PRR5L: variants seen among roughly 807,000 people sequenced by gnomAD.
The protein encoded by PRR5L is proline rich 5 like.
PRR5L carries 21 observed loss-of-function variants against 36.4 expected under a neutral mutation model. The ratio of observed to expected loss-of-function variants is 0.58; its 90% CI spans 0.41 to 0.83. PRR5L has a LOEUF of 0.83. Ranked by LOEUF, PRR5L falls within the 40% of genes least tolerant of loss-of-function variation. PRR5L has a pLI of 0.00. For missense variants in PRR5L, 381 were observed against 473.3 expected (o/e 0.80, Z 1.81); for synonymous variants, 188 against 197.0 (o/e 0.95, Z 0.38).
intron 1 of PRR5L, among the ~76,000 whole-genome samples, chr11:36,323,812 G>A (rs115141799): frequency 6.6e-6 from 1 of 152,258 alleles, no homozygotes; most frequent in African/African-American, 2.4e-5. Flanking sequence ...TTCAGTTTAG[G>A]GAGTTTGACA....
chr11:36,442,188 T>C (rs1181839970), intron 6 of PRR5L, among the ~76,000 whole-genome samples: 2 of 152,218 alleles, frequency 1.3e-5, no homozygotes, highest in Admixed American at 1.3e-4. Context: ...GCCTTTTCCT[T>C]CTTCACTGCA....
rs541079651 is a variant in PRR5L, at chr11:36,401,143, A to C, written c.22A>C (p.Ile8Leu). ...ACTTATGACCCGCGGCTTCGCTCCC[A>C]TTCTGCCCGTCGAGTTCCACAAGAT... MTRGFAPILPVEFHKMGS... is the reference protein window; with the variant it reads MTRGFAPLLPVEFHKMGS... Residue 8 changes from isoleucine (I) to leucine (L), a missense_variant, in exon 2 of 9, where the codon ATT (isoleucine) becomes CTT (leucine). By Grantham distance (5) the Ile-to-Leu change is conservative. Transcript: ENST00000530639. 6.8e-6 allele frequency: 11 copies of C among 1,614,124 alleles called. No homozygotes were observed. The South Asian group carries it at 8.8e-5, about 13-fold the overall frequency.
In PRR5L at chr11:36,401,867, C is replaced by T. The variant is rs114006107; in HGVS notation, c.164+582C>T. Among the ~76,000 whole-genome samples the T allele has an allele frequency of 1.5e-3, 224 of 152,340 alleles. 2 individuals are homozygous for T. Among genetic ancestry groups the T allele is most frequent in the African/African-American group, 5.0e-3 (208 of 41,574 alleles). ...ACTGGGACAGTTGCACTGGAATTTA[C>T]GGTCACTATTCATGCTCATTAGTCA... On this transcript the variant is annotated intron_variant, in intron 2 of 8. Transcript: ENST00000530639.
intron 1 of PRR5L, among the ~76,000 whole-genome samples, chr11:36,367,712 G>A (rs1409617622): frequency 6.6e-6 from 1 of 150,838 alleles, no homozygotes; most frequent in Non-Finnish European, 1.5e-5. Flanking sequence ...GCCCAAGCCA[G>A]GCTTCATGGG....
chr11:36,318,970 T>C (rs765318471), intron 1 of PRR5L, among the ~76,000 whole-genome samples: 1 of 152,194 alleles, frequency 6.6e-6, no homozygotes, highest in Non-Finnish European at 1.5e-5. Flanking sequence ...AAGGTCCTAA[T>C]ACTAAATCAC....
In PRR5L at chr11:36,377,064, A is replaced by G. The variant is rs73445111; in HGVS notation, c.-125-23933A>G. Among the ~76,000 whole-genome samples the G allele has an allele frequency of 0.012, 1,805 of 152,188 alleles. 32 individuals carry two copies. The highest frequency in any genetic ancestry group is 0.041 in the African/African-American group (1,705 of 41,536). ...GGCTGAGCCGGGAGGTCGAAAAAGAAAGTCGGCTTGTTTGACTCTCTCGTT... is the reference window on the plus strand; with the variant it reads ...GGCTGAGCCGGGAGGTCGAAAAAGAGAGTCGGCTTGTTTGACTCTCTCGTT... On this transcript the variant is annotated intron_variant, in intron 1 of 8. Transcript: ENST00000530639. The surrounding 1 kb of genome is among the most constrained non-coding windows in gnomAD (Gnocchi z 5.1).
chr11:36,441,938 T>G (rs1003030533), intron 6 of PRR5L, among the ~76,000 whole-genome samples: 14 of 152,248 alleles, frequency 9.2e-5, no homozygotes, highest in African/African-American at 3.1e-4. Context: ...GAAACTGGGA[T>G]GTGGGCAGCA....
rs749820698 is a variant in PRR5L, at chr11:36,419,311, G to A, written c.294+8G>A. 31 of 1,612,690 alleles carry A rather than the reference G, an allele frequency of 1.9e-5. No individual in the cohort carries two copies. Among genetic ancestry groups the A allele is most frequent in the Non-Finnish European group, 2.5e-5 (30 of 1,178,782 alleles). On this transcript the variant is annotated splice_region_variant and intron_variant, in intron 4 of 8. Coordinates refer to ENST00000530639, the MANE Select transcript of PRR5L (RefSeq NM_001160167.2). ...ATTACAGACTATTTTCAGGTAAGCTGTGTGGATCTGAGCATCCATCATTAT... is the reference window on the plus strand; with the variant it reads ...ATTACAGACTATTTTCAGGTAAGCTATGTGGATCTGAGCATCCATCATTAT...
intron 5 of PRR5L, among the ~76,000 whole-genome samples, chr11:36,432,623 T>G (rs1858524301): frequency 6.6e-6 from 1 of 152,178 alleles, no homozygotes; most frequent in African/African-American, 2.4e-5. Context: ...GCTTTTATCA[T>G]TTTTGAAGTG....
At chr11:36,414,887 T>A (rs1387462433) in intron 3 of PRR5L, among the ~76,000 whole-genome samples, 1 of 142,354 alleles carries the variant, frequency 7.0e-6, no homozygotes, top group Non-Finnish European at 1.5e-5. Flanking sequence ...TTAATTTTTG[T>A]ATAAGGTGTA....
At chr11:36,353,475 T>C (rs749610668) in intron 1 of PRR5L, among the ~76,000 whole-genome samples, 1 of 152,226 alleles carries the variant, frequency 6.6e-6, no homozygotes, top group Non-Finnish European at 1.5e-5. Context: ...ATATTGTGTA[T>C]GTACTATTGC....
At chr11:36,459,065 C>T (rs991931200) in intron 8 of PRR5L, among the ~76,000 whole-genome samples, 10 of 152,166 alleles carry the variant, frequency 6.6e-5, no homozygotes, top group African/African-American at 2.4e-4. Flanking sequence ...CCACCCATCC[C>T]CCAGCCCTTT....
chr11:36,460,481 G>T (rs1859157065), intron 8 of PRR5L, among the ~76,000 whole-genome samples: 1 of 151,898 alleles, frequency 6.6e-6, no homozygotes, highest in African/African-American at 2.4e-5. Context: ...GGGTTCTGTA[G>T]TATCTCTGTA....
At chr11:36,309,949 C>T (rs982431848) in intron 1 of PRR5L, among the ~76,000 whole-genome samples, 1 of 17,682 alleles carries the variant, frequency 5.7e-5, no homozygotes, top group Non-Finnish European at 2.2e-4. Context: ...CAAAGAATGA[C>T]TCCATCATCC....
At chr11:36,319,698 T>G (rs1856594147) in intron 1 of PRR5L, among the ~76,000 whole-genome samples, 1 of 109,634 alleles carries the variant, frequency 9.1e-6, no homozygotes, top group African/African-American at 3.4e-5. Context: ...TTTTTTTTTT[T>G]GCTTAAGTGT....
At position 36,401,049 on chromosome 11, in the gene PRR5L, C is replaced by G; in HGVS notation, c.-73C>G. Reference sequence around the variant, plus strand: ...AAGCCTGAGGGCCTGAAGGCAGCCCCTGGAGAAGCCCTTTCCGAGGGCATT... The same window carrying G: ...AAGCCTGAGGGCCTGAAGGCAGCCCGTGGAGAAGCCCTTTCCGAGGGCATT... On this transcript the variant is annotated 5_prime_UTR_variant, in exon 2 of 9. Transcript: ENST00000530639. 1.9e-6 allele frequency: 3 copies of G among 1,569,594 alleles called. No individual in the cohort carries two copies. The highest frequency in any genetic ancestry group is 2.3e-5 in the East Asian group (1 of 44,080).
intron 3 of PRR5L, among the ~76,000 whole-genome samples, chr11:36,416,063 C>A (rs1858136000): frequency 1.3e-5 from 2 of 152,238 alleles, no homozygotes; most frequent in Non-Finnish European, 1.5e-5. Flanking sequence ...AGCACTTCTT[C>A]ACACCCTTTT....
At chr11:36,330,836 C>T (rs150463410) in intron 1 of PRR5L, among the ~76,000 whole-genome samples, 179 of 152,228 alleles carry the variant, frequency 1.2e-3, no homozygotes, top group African/African-American at 4.2e-3. Context: ...GATGGAGTTT[C>T]ACTCTTGTTG....
intron 4 of PRR5L, chr11:36,425,561 C>T (rs1282847920): frequency 5.9e-5 from 9 of 152,178 alleles, no homozygotes; most frequent in African/African-American, 1.4e-4. Context: ...CCCCAATGCA[C>T]GCTTTAACTA....
Sources: gnomAD v4.1 joint callset for allele counts (sites outside exome capture counted in the v4.1 genomes callset) on GRCh38, gnomAD v4.1.1 for gene constraint, Gnocchi (gnomAD v3.1) non-coding constraint, MANE v1.5 for transcripts, NCBI Gene and HGNC (gene_info 2026-07-23, HGNC 2026-07-21) for gene names.